Variants in CYTH1 observed in about 807,000 individuals in gnomAD.
The protein encoded by CYTH1 is cytohesin 1.
Under a neutral mutation model 61.8 loss-of-function variants are expected in CYTH1, and 18 were observed. That is an observed-to-expected ratio of 0.29 (90% CI 0.20 to 0.43). The LOEUF (loss-of-function observed/expected upper bound fraction) is 0.43, where lower values mean the gene tolerates loss of function less well. CYTH1 is among the 20% of genes least tolerant of loss of function. CYTH1 has a pLI of 1.00. For missense variants in CYTH1, 336 were observed against 510.5 expected, an observed-to-expected ratio of 0.66 and a Z score of 3.29; for synonymous variants, 174 against 184.3, an observed-to-expected ratio of 0.94 and a Z score of 0.45.
intron 7 of CYTH1, among the ~76,000 whole-genome samples, chr17:78,699,435 A>G (rs2092984734): frequency 6.6e-6 from 1 of 152,148 alleles, no homozygotes; most frequent in Non-Finnish European, 1.5e-5. Flanking sequence ...TCCAGGGCAC[A>G]CTGCTGTCTG....
intron 11 of CYTH1, among the ~76,000 whole-genome samples, chr17:78,682,235 ATG>A (rs2092771619): frequency 6.6e-6 from 1 of 152,158 alleles, no homozygotes; most frequent in African/African-American, 2.4e-5. Context: ...AACCAAAATT[ATG>A]GAGGGTGGAG....
At chr17:78,774,654 T>G (rs1284706355) in intron 1 of CYTH1, among the ~76,000 whole-genome samples, 1 of 152,108 alleles carries the variant, frequency 6.6e-6, no homozygotes, top group Non-Finnish European at 1.5e-5. Context: ...CAGGCTCCTC[T>G]CCCCAGCCCG....
chr17:78,690,014 C>T (rs529816907), intron 11 of CYTH1, among the ~76,000 whole-genome samples: 3 of 152,008 alleles, frequency 2.0e-5, no homozygotes, highest in African/African-American at 7.2e-5. Context: ...TGCCCCTTCC[C>T]CTGCTTGGTT....
intron 12 of CYTH1, 78 bp from the exon 13 acceptor site, chr17:78,680,422 A>G: frequency 6.8e-7 from 1 of 1,469,768 alleles, no homozygotes; most frequent in Non-Finnish European, 9.2e-7. Flanking sequence ...TCTTTCCCCA[A>G]AACCCCTTTC....
intron 6 of CYTH1, among the ~76,000 whole-genome samples, chr17:78,701,147 CAAAG>C (rs1306488886): frequency 2.0e-5 from 3 of 152,008 alleles, no homozygotes; most frequent in African/African-American, 2.4e-5. Flanking sequence ...CCCTTTAAGT[CAAAG>C]AAAGAAAGAC....
intron 11 of CYTH1, among the ~76,000 whole-genome samples, chr17:78,686,355 T>C (rs1220405758): frequency 6.6e-6 from 1 of 152,246 alleles, no homozygotes; most frequent in Non-Finnish European, 1.5e-5. Context: ...ATGCTATTGC[T>C]TGGGTTCTCA....
chr17:78,751,157 T>G (rs984704540), intron 1 of CYTH1, among the ~76,000 whole-genome samples: 2 of 151,994 alleles, frequency 1.3e-5, no homozygotes, highest in Non-Finnish European at 2.9e-5. Flanking sequence ...GGCTCTATTT[T>G]TAGTAGACAC....
chr17:78,728,110 C>T (rs1392945114), intron 1 of CYTH1: 1 of 155,720 alleles, frequency 6.4e-6, no homozygotes, highest in African/African-American at 2.4e-5. Context: ...CTGGTAAATC[C>T]TCCCCAAGCC....
intron 1 of CYTH1, among the ~76,000 whole-genome samples, chr17:78,712,481 C>T (rs914068024): frequency 2.6e-5 from 4 of 151,476 alleles, no homozygotes; most frequent in South Asian, 2.1e-4. Context: ...GGTGAAACCC[C>T]GTCTCTACTA....
chr17:78,760,736 C>T (rs2093425625), intron 1 of CYTH1, among the ~76,000 whole-genome samples: 1 of 151,266 alleles, frequency 6.6e-6, no homozygotes, highest in Non-Finnish European at 1.5e-5. Flanking sequence ...ACACAAAAAG[C>T]ATCATATACT....
At chr17:78,735,253 G>A (rs575910164) in intron 1 of CYTH1, among the ~76,000 whole-genome samples, 1 of 152,260 alleles carries the variant, frequency 6.6e-6, no homozygotes, top group Non-Finnish European at 1.5e-5. Context: ...GACTTTTGAA[G>A]CCTCCAGGAT....
chr17:78,684,260 C>T (rs1410070106), intron 11 of CYTH1, among the ~76,000 whole-genome samples: 2 of 152,186 alleles, frequency 1.3e-5, no homozygotes, highest in East Asian at 3.8e-4. Context: ...GAGCCAGCAT[C>T]GCAGACAGGT....
chr17:78,700,312 GATGA>G lies in CYTH1; in HGVS notation c.550+15_550+18del. 6.3e-7 allele frequency: 1 copy of G among 1,585,600 alleles called. No homozygotes were observed. Among genetic ancestry groups the G allele is most frequent in the Non-Finnish European group, 8.6e-7 (1 of 1,165,380 alleles). On this transcript the variant is annotated intron_variant, in intron 7 of 13. Coordinates refer to ENST00000446868, the MANE Select transcript of CYTH1 (RefSeq NM_004762.6). This position sits in a 1 kb window ranked among gnomAD's most constrained non-coding sequence, Gnocchi z 5.1. ...GTGTAAAACGCCCATCATAAACTAG[GATGA>G]ATGATCGTATTTACCCGTGGACTGG...
At chr17:78,689,999 C>T (rs990059971) in intron 11 of CYTH1, among the ~76,000 whole-genome samples, 1 of 151,954 alleles carries the variant, frequency 6.6e-6, no homozygotes, top group Non-Finnish European at 1.5e-5. Flanking sequence ...GCACTGAATT[C>T]GTTCTGCCCC....
chr17:78,684,501 G>A (rs1372369152), intron 11 of CYTH1, among the ~76,000 whole-genome samples: 2 of 152,204 alleles, frequency 1.3e-5, no homozygotes, highest in African/African-American at 4.8e-5. Context: ...GGAAATAACC[G>A]AGGCCAACGT....
At position 78,708,251 on chromosome 17, in the gene CYTH1, T is replaced by A; in HGVS notation, c.116A>T (p.Asp39Val). 6.2e-7 allele frequency: 1 copy of A among 1,612,702 alleles called. No individual in the cohort carries two copies. The highest frequency in any genetic ancestry group is 8.5e-7 in the Non-Finnish European group (1 of 1,179,656). Residue 39 changes from aspartate (D) to valine (V), a missense_variant, in exon 3 of 14, where the codon GAT becomes GTT. By Grantham distance (152) the Asp-to-Val change is radical. Coordinates refer to ENST00000446868, the MANE Select transcript of CYTH1 (RefSeq NM_004762.6). ...ELLADIQRLK[D>V]EIAEVANEIE... is the part of the protein sequence containing the mutation. Reference sequence around the variant, plus strand: ...TTCATTAGCTACTTCTGCTATCTCATCCTTCAGCCTCTATAAAACAGACAG... The same window carrying A: ...TTCATTAGCTACTTCTGCTATCTCAACCTTCAGCCTCTATAAAACAGACAG...
intron 13 of CYTH1, chr17:78,678,376 G>C (rs1041212363): frequency 1.3e-5 from 2 of 152,294 alleles, no homozygotes; most frequent in South Asian, 4.1e-4. Context: ...TGGGAGGCGC[G>C]GTGGAGCAAC....
intron 13 of CYTH1, among the ~76,000 whole-genome samples, chr17:78,678,720 G>A (rs749375536): frequency 8.5e-5 from 13 of 152,240 alleles, no homozygotes; most frequent in Non-Finnish European, 1.5e-4. Context: ...GCTGGCCCCC[G>A]CTCAGGGCCA....
intron 3 of CYTH1, among the ~76,000 whole-genome samples, chr17:78,704,913 G>A (rs781287238): frequency 7.9e-5 from 12 of 152,166 alleles, no homozygotes; most frequent in Non-Finnish European, 1.8e-4. Flanking sequence ...GTCAACAGCT[G>A]CCTTAGGAAA....
Sources: allele counts gnomAD v4.1 joint callset (sites outside exome capture counted in the v4.1 genomes callset), GRCh38; gene constraint gnomAD v4.1.1; non-coding constraint Gnocchi (gnomAD v3.1); transcripts MANE v1.5; gene names NCBI Gene and HGNC (gene_info 2026-07-23, HGNC 2026-07-21).